Variants in ICA1L observed in about 807,000 individuals in gnomAD.
ICA1L encodes islet cell autoantigen 1-like protein.
Under a neutral mutation model 61.3 loss-of-function variants are expected in ICA1L, and 50 were observed. That is an observed-to-expected ratio of 0.82 (90% CI 0.65 to 1.03). The LOEUF (loss-of-function observed/expected upper bound fraction) is 1.03. ICA1L is among the 50% of genes least tolerant of loss of function. The pLI, the probability that ICA1L is intolerant of heterozygous loss-of-function variation, is 0.00. For missense variants in ICA1L, 508 were observed against 556.7 expected (o/e 0.91, Z 0.88); for synonymous variants, 161 against 191.3 (o/e 0.84, Z 1.31).
intron 1 of ICA1L, among the ~76,000 whole-genome samples, chr2:202,868,267 A>C (rs1355669842): frequency 6.6e-6 from 1 of 152,238 alleles, no homozygotes; most frequent in East Asian, 1.9e-4. Flanking sequence ...TTCTCAACCC[A>C]CAATGATATA....
chr2:202,858,500 T>C (rs554767723), intron 1 of ICA1L, among the ~76,000 whole-genome samples: 1 of 152,218 alleles, frequency 6.6e-6, no homozygotes, highest in East Asian at 1.9e-4. Context: ...GGGAGAGCAT[T>C]AGGACAAATA....
intron 5 of ICA1L, among the ~76,000 whole-genome samples, chr2:202,818,515 G>C (rs1347467972): frequency 2.0e-5 from 3 of 152,172 alleles, no homozygotes; most frequent in Non-Finnish European, 4.4e-5. Context: ...GATTGTATTT[G>C]ATGTGGTTTG....
Position 202,786,012 on chromosome 2 carries a change from G to A in ICA1L, c.1244-5C>T, listed in dbSNP as rs771744882. On this transcript the variant is annotated splice_region_variant and splice_polypyrimidine_tract_variant and intron_variant, in intron 11 of 12. Transcript: ENST00000358299. The stretch of plus-strand genomic sequence containing the variant: ...ATTCCTCTTGGGAGACCCAGTCTGG[G>A]ATAAAAGAAGTAAAAATTGTCCATT... The A allele has an allele frequency of 6.4e-7, 1 of 1,553,974 alleles. No individual in the cohort carries two copies. The highest frequency in any genetic ancestry group is 8.8e-7 in the Non-Finnish European group (1 of 1,133,560).
chr2:202,831,861 G>A lies in ICA1L; in HGVS notation c.-7-2845C>T, dbSNP rs376941462. Among the ~76,000 whole-genome samples the A allele has an allele frequency of 3.5e-4, 53 of 152,306 alleles. 1 individual carries two copies. Among genetic ancestry groups the A allele is most frequent in the African/African-American group, 1.2e-3 (48 of 41,556 alleles). On this transcript the variant is annotated intron_variant, in intron 1 of 12. Transcript: ENST00000358299. ...GGGGGTAGGTTAGGCAGGAAGCCAA[G>A]TCTTACTGGCTTGACATATCAGATA...
At position 202,789,071 on chromosome 2, in the gene ICA1L, AG is replaced by A. The variant is rs1455788257; in HGVS notation, c.1001del (p.Pro334LeufsTer2). On this transcript the variant is annotated frameshift_variant, in exon 11 of 13. Transcript: ENST00000358299. LOFTEE classifies it high-confidence loss of function. ...AATCTTCTCCTTCCAATGAATCTAC[AG>A]GTAGATCTTTTGCAACTATTGAGTG... ...SNSENVAKDL[P>X]VDSLEGEDFE... 1.2e-5 allele frequency: 20 copies of A among 1,608,824 alleles called. No individual in the cohort carries two copies. The highest frequency in any genetic ancestry group is 1.7e-5 in the Admixed American group (1 of 58,564).
intron 8 of ICA1L, among the ~76,000 whole-genome samples, chr2:202,812,337 C>T (rs1013455820): frequency 3.9e-5 from 6 of 152,032 alleles, no homozygotes; most frequent in South Asian, 2.1e-4. Flanking sequence ...CCAGCACTTT[C>T]GGAGGCTGAG....
rs1389418894 is a variant in ICA1L at position 202,774,243 on chromosome 2, C to T, written c.*5290G>A. The T allele has an allele frequency of 7.1e-6, 11 of 1,546,838 alleles. No homozygotes were observed. Among genetic ancestry groups the T allele is most frequent in the Admixed American group, 6.0e-5 (3 of 49,840 alleles). ...GCGCGGGGCGGCTCCTGAGTCTTCTCGCTCCTGTCGGCCAAAGGCCGTGAC... is the reference window on the plus strand; with the variant it reads ...GCGCGGGGCGGCTCCTGAGTCTTCTTGCTCCTGTCGGCCAAAGGCCGTGAC... On this transcript the variant is annotated 3_prime_UTR_variant, in exon 13 of 13. Coordinates refer to ENST00000358299, the MANE Select transcript of ICA1L (RefSeq NM_001288622.3).
chr2:202,807,287 G>C (rs906873255), intron 9 of ICA1L, among the ~76,000 whole-genome samples: 1 of 152,240 alleles, frequency 6.6e-6, no homozygotes, highest in African/African-American at 2.4e-5. Context: ...ACATGGTGTG[G>C]AGAGAGAATC....
chr2:202,858,116 C>G (rs1227328996), intron 1 of ICA1L, among the ~76,000 whole-genome samples: 1 of 152,176 alleles, frequency 6.6e-6, no homozygotes, highest in Non-Finnish European at 1.5e-5. Context: ...AATCTCATTA[C>G]TTGGTATATA....
chr2:202,828,250 G>C (rs976871591), intron 2 of ICA1L, among the ~76,000 whole-genome samples: 6 of 127,574 alleles, frequency 4.7e-5, no homozygotes, highest in African/African-American at 1.7e-4. Context: ...GGCAACCAGA[G>C]CGAACCTCCA....
intron 9 of ICA1L, among the ~76,000 whole-genome samples, chr2:202,805,859 T>C (rs577863588): frequency 6.6e-6 from 1 of 152,336 alleles, no homozygotes; most frequent in South Asian, 2.1e-4. Flanking sequence ...ATGTTCGTTA[T>C]ATTTCCTTTG....
intron 1 of ICA1L, among the ~76,000 whole-genome samples, chr2:202,850,271 C>G (rs1208776491): frequency 6.6e-6 from 1 of 152,196 alleles, no homozygotes; most frequent in East Asian, 1.9e-4. Context: ...GGGCACAAAA[C>G]TGGACGGAGA....
intron 9 of ICA1L, among the ~76,000 whole-genome samples, chr2:202,805,127 G>C (rs961346244): frequency 6.6e-6 from 1 of 152,120 alleles, no homozygotes; most frequent in Non-Finnish European, 1.5e-5. Context: ...CCACATATTA[G>C]ATGATTCTAC....
chr2:202,855,018 G>A (rs1283004210), intron 1 of ICA1L, among the ~76,000 whole-genome samples: 1 of 152,094 alleles, frequency 6.6e-6, no homozygotes, highest in Non-Finnish European at 1.5e-5. Context: ...ACAGCTACAT[G>A]GAAACTAAAC....
intron 1 of ICA1L, among the ~76,000 whole-genome samples, chr2:202,856,439 G>A (rs747241638): frequency 3.3e-5 from 5 of 152,002 alleles, no homozygotes; most frequent in Non-Finnish European, 7.4e-5. Flanking sequence ...ACCCCTTCAC[G>A]CTAAAAACTC....
intron 1 of ICA1L, among the ~76,000 whole-genome samples, chr2:202,837,765 TCATTG>T (rs1011740126): frequency 1.1e-4 from 17 of 152,168 alleles, no homozygotes; most frequent in Admixed American, 8.5e-4. Flanking sequence ...ATACAGGCAT[TCATTG>T]CTATAAACTT....
intron 10 of ICA1L, 104 bp downstream of exon 10, chr2:202,796,786 T>C: frequency 3.1e-6 from 2 of 635,690 alleles, no homozygotes; most frequent in South Asian, 4.6e-5. Context: ...AGTTGCATTC[T>C]TATGTAGAGA....
chr2:202,814,589 A>T (rs1353965022), intron 8 of ICA1L, 113 bp downstream of exon 8: 1 of 719,726 alleles, frequency 1.4e-6, no homozygotes, highest in Non-Finnish European at 2.4e-6. Context: ...TTGATTGGAA[A>T]AATGACATAG....
intron 1 of ICA1L, among the ~76,000 whole-genome samples, chr2:202,860,863 A>C (rs1161095977): frequency 6.6e-6 from 1 of 152,234 alleles, no homozygotes; most frequent in African/African-American, 2.4e-5. Context: ...ATGTCTGAAA[A>C]AACAGGTTTC....
Sources: allele counts gnomAD v4.1 joint callset (sites outside exome capture counted in the v4.1 genomes callset), GRCh38; gene constraint gnomAD v4.1.1; transcripts MANE v1.5; gene names NCBI Gene and HGNC (gene_info 2026-07-23, HGNC 2026-07-21).